Variants in AKR1C1 observed in about 807,000 individuals in gnomAD.
AKR1C1 encodes 20 alpha-hydroxysteroid dehydrogenase.
A neutral mutation model predicts 40.6 loss-of-function variants in AKR1C1; 32 were observed. The ratio of observed to expected loss-of-function variants is 0.79; its 90% CI spans 0.60 to 1.06. AKR1C1 has a LOEUF of 1.06. AKR1C1 is among the 50% of genes least tolerant of loss of function. The probability of loss-of-function intolerance (pLI) is 0.00; values close to 1 mark genes in which losing one functional copy is unlikely to be tolerated. For missense variants in AKR1C1, 320 were observed against 363.5 expected, an observed-to-expected ratio of 0.88 and a Z score of 0.97; for synonymous variants, 105 against 134.2, an observed-to-expected ratio of 0.78 and a Z score of 1.50.
chr10:4,974,135 A>G (rs545447738), intron 7 of AKR1C1, among the ~76,000 whole-genome samples: 1 of 151,784 alleles, frequency 6.6e-6, no homozygotes, highest in Non-Finnish European at 1.5e-5. Context: ...TTTTAAAAAT[A>G]TTTTTAGACA....
intron 5 of AKR1C1, among the ~76,000 whole-genome samples, chr10:4,971,828 G>C (rs1486355327): frequency 8.6e-5 from 13 of 151,926 alleles, no homozygotes; most frequent in African/African-American, 2.9e-4. Context: ...TAGGAAACTA[G>C]TTCTTTTGTC....
intron 5 of AKR1C1, among the ~76,000 whole-genome samples, chr10:4,970,267 C>T (rs1463508253): frequency 6.6e-6 from 1 of 152,162 alleles, no homozygotes; most frequent in Admixed American, 6.5e-5. Flanking sequence ...GGTATCCAGT[C>T]CATATTTGAA....
At position 4,968,963 on chromosome 10, in the gene AKR1C1, C is replaced by G. The variant is rs201152946; in HGVS notation, c.570+19C>G. 3.6e-5 allele frequency: 58 copies of G among 1,614,162 alleles called. No homozygotes were observed. The African/African-American group carries it at 6.5e-4, about 18-fold the overall frequency. On this transcript the variant is annotated intron_variant, in intron 5 of 8. Coordinates refer to ENST00000380872, the MANE Select transcript of AKR1C1 (RefSeq NM_001353.6). ...CAACCAGGTGAGCACCCTCAGCCTC[C>G]TCTCCTTTCTGTTCTTCATGCCCCT...
chr10:4,974,495 A>G (rs1836494443), intron 7 of AKR1C1, among the ~76,000 whole-genome samples: 1 of 152,016 alleles, frequency 6.6e-6, no homozygotes, highest in Non-Finnish European at 1.5e-5. Flanking sequence ...GTCTTATCCT[A>G]TATTGGGAAT....
In AKR1C1 at chr10:4,972,277, A is replaced by G. The variant is rs376003429; in HGVS notation, c.647A>G (p.Tyr216Cys). Residue 216 changes from tyrosine (Y) to cysteine (C), a missense_variant, in exon 6 of 9, where the codon TAT (tyrosine) becomes TGT (cysteine). Tyr to Cys is a radical substitution (Grantham distance 194). Around this residue, in one of 3 missense-constraint regions of AKR1C1, gnomAD observed 77 missense variants for 125.3 expected, o/e 0.61. Coordinates refer to ENST00000380872, the MANE Select transcript of AKR1C1 (RefSeq NM_001353.6). ...TCAAAAGACATTGTTCTGGTTGCCT[A>G]TAGTGCTCTGGGATCCCACCGAGAA... ...CKSKDIVLVA[Y>C]SALGSHREEP... The G allele has an allele frequency of 6.8e-6, 11 of 1,612,822 alleles. No homozygotes were observed. Among genetic ancestry groups the G allele is most frequent in the South Asian group, 4.4e-5 (4 of 91,010 alleles).
rs375996832 is a variant in AKR1C1 at position 4,965,901 on chromosome 10, G to A, written c.85-13G>A. 3 of 1,611,016 alleles carry A rather than the reference G, an allele frequency of 1.9e-6. No individual in the cohort carries two copies. In the African/African-American group the frequency reaches 4.0e-5, roughly 22 times the overall value. On this transcript the variant is annotated splice_polypyrimidine_tract_variant and intron_variant, in intron 1 of 8. Transcript: ENST00000380872. ...CATTAGTCAGAAAATACTACCTATG[G>A]TTACTCCCCCAGGTTCCTAAAAGTA... is the stretch of plus-strand genomic sequence containing the variant.
At position 4,977,902 on chromosome 10, in the gene AKR1C1, A is replaced by G; in HGVS notation, c.*160A>G. On this transcript the variant is annotated 3_prime_UTR_variant, in exon 9 of 9. Transcript: ENST00000380872. ...GCAAAGCCCATTGGCCAGAAAGGAAAGACAATAATTTTGTTTTTTCATTTT... is the reference window on the plus strand; with the variant it reads ...GCAAAGCCCATTGGCCAGAAAGGAAGGACAATAATTTTGTTTTTTCATTTT... The G allele has an allele frequency of 8.9e-7, 1 of 1,129,832 alleles. No homozygotes were observed. The allele number at this position is 1,129,832 out of a possible 1,614,324, so 70.0% of individuals were successfully genotyped here. A position where few individuals can be genotyped will look rare whatever the true frequency, so the allele number is the denominator to read the frequency against.
chr10:4,981,183 A>G lies in AKR1C1; in HGVS notation c.*3441A>G, dbSNP rs1353572360. 2 of 152,166 alleles carry G rather than the reference A, an allele frequency of 1.3e-5. No homozygotes were observed. The highest frequency in any genetic ancestry group is 4.8e-5 in the African/African-American group (2 of 41,448). The allele number at this position is 152,166 out of a possible 1,614,324, so 9.4% of individuals were successfully genotyped here. ...ATTCAGTAAACCATTATTTAAGGAG[A>G]TGTGGCTTAAATATCTAGGCTTTCT... On this transcript the variant is annotated 3_prime_UTR_variant, in exon 9 of 9. Transcript: ENST00000380872.
Position 4,981,438 on chromosome 10 carries a change from A to C in AKR1C1, c.*3696A>C, listed in dbSNP as rs1366337858. 6.6e-6 allele frequency: 1 copy of C among 152,228 alleles called. No individual in the cohort carries two copies. Among genetic ancestry groups the C allele is most frequent in the Admixed American group, 6.5e-5 (1 of 15,278 alleles). The allele number at this position is 152,228 out of a possible 1,614,324, so 9.4% of individuals were successfully genotyped here. A position where few individuals can be genotyped will look rare whatever the true frequency, so the allele number is the denominator to read the frequency against. On this transcript the variant is annotated 3_prime_UTR_variant, in exon 9 of 9. Coordinates refer to ENST00000380872, the MANE Select transcript of AKR1C1 (RefSeq NM_001353.6). ...TAACAGATGTCAACTATGAGATCTC[A>C]TCAAGAACTAAGAAAATGGAGAAAA...
rs1836557473 is a variant in AKR1C1, at chr10:4,978,250, G to A, written c.*508G>A. The A allele has an allele frequency of 6.7e-6, 1 of 149,556 alleles. No individual in the cohort carries two copies. The highest frequency in any genetic ancestry group is 1.5e-5 in the Non-Finnish European group (1 of 68,214). The allele number at this position is 149,556 out of a possible 1,614,324, so 9.3% of individuals were successfully genotyped here. A position where few individuals can be genotyped will look rare whatever the true frequency, so the allele number is the denominator to read the frequency against. On this transcript the variant is annotated 3_prime_UTR_variant, in exon 9 of 9. Coordinates refer to ENST00000380872, the MANE Select transcript of AKR1C1 (RefSeq NM_001353.6). ...CAATTCATGGGCTCCCTCCAGCAGT[G>A]CGAGGGTCAGAGTTTCTGGAGCCTT...
chr10:4,982,141 T>A lies in AKR1C1; in HGVS notation c.*4399T>A, dbSNP rs112364784. The A allele has an allele frequency of 4.5e-3, 689 of 152,394 alleles. 2 individuals carry two copies. Among genetic ancestry groups the A allele is most frequent in the Non-Finnish European group, 7.0e-3 (479 of 68,112 alleles). 9.4% of individuals were successfully genotyped at this position (152,394 alleles called of 1,614,324 possible). A position where few individuals can be genotyped will look rare whatever the true frequency, so the allele number is the denominator to read the frequency against. ...TTATTTGTGCTGAGAATGAAACTCC[T>A]TGACCTTGAAAACAGGACAGGGAGT... is the stretch of plus-strand genomic sequence containing the variant. On this transcript the variant is annotated 3_prime_UTR_variant, in exon 9 of 9. Coordinates refer to ENST00000380872, the MANE Select transcript of AKR1C1 (RefSeq NM_001353.6).
At chr10:4,967,138 C>A in intron 3 of AKR1C1, 95 bp downstream of exon 3, 1 of 1,300,476 alleles carries the variant, frequency 7.7e-7, no homozygotes, top group Non-Finnish European at 1.1e-6. Context: ...CTTAGGAGGA[C>A]ATAGGGATTA....
chr10:4,969,611 C>G, intron 5 of AKR1C1: 1 of 1,578,564 alleles, frequency 6.3e-7, no homozygotes, highest in South Asian at 1.1e-5. Flanking sequence ...GGCTGCTCTT[C>G]TTTGGAGTCT....
chr10:4,966,576 A>G (rs1323897440), intron 2 of AKR1C1, among the ~76,000 whole-genome samples: 1 of 152,262 alleles, frequency 6.6e-6, no homozygotes, highest in Non-Finnish European at 1.5e-5. Context: ...CCACAAAGAT[A>G]CTTAATCTTG....
rs781200594 is a variant in AKR1C1, at chr10:4,963,518, C to G, written c.74C>G (p.Ala25Gly). Residue 25 changes from alanine to glycine, a missense_variant, in exon 1 of 9, where the codon GCG (alanine) becomes GGG (glycine). By Grantham distance (60) the Ala-to-Gly change is moderately conservative. Transcript: ENST00000380872. ...CCTGTCCTGGGATTTGGCACCTATGCGCCTGCAGAGGTAACAATAATATTT... is the reference window on the plus strand; with the variant it reads ...CCTGTCCTGGGATTTGGCACCTATGGGCCTGCAGAGGTAACAATAATATTT... ...FMPVLGFGTYAPAEVPKSKAL... is the reference protein window; with the variant it reads ...FMPVLGFGTYGPAEVPKSKAL... 1 of 1,612,316 alleles carries G rather than the reference C, an allele frequency of 6.2e-7. No individual in the cohort carries two copies. Among genetic ancestry groups the G allele is most frequent in the African/African-American group, 1.3e-5 (1 of 74,462 alleles).
chr10:4,980,565 C>G lies in AKR1C1; in HGVS notation c.*2823C>G, dbSNP rs1554771008. The G allele has an allele frequency of 2.7e-5, 4 of 148,078 alleles. No homozygotes were observed. The highest frequency in any genetic ancestry group is 6.0e-5 in the Non-Finnish European group (4 of 66,864). 9.2% of individuals were successfully genotyped at this position (148,078 alleles called of 1,614,324 possible). ...TTCCAACAGTGTTTACAACGGTTTC[C>G]TAAGAAATGAAATCCATTTCACCAA... On this transcript the variant is annotated 3_prime_UTR_variant, in exon 9 of 9. Transcript: ENST00000380872.
At chr10:4,964,723 T>A (rs1463702446) in intron 1 of AKR1C1, among the ~76,000 whole-genome samples, 13 of 152,226 alleles carry the variant, frequency 8.5e-5, no homozygotes, top group Non-Finnish European at 1.8e-4. Flanking sequence ...GAACCCCATT[T>A]TGCTAATCAC....
rs1222061999 is a variant in AKR1C1, at chr10:4,980,909, C to G, written c.*3167C>G. 13 of 152,208 alleles carry G rather than the reference C, an allele frequency of 8.5e-5. No homozygotes were observed. The highest frequency in any genetic ancestry group is 7.9e-4 in the Admixed American group (12 of 15,284). The allele number at this position is 152,208 out of a possible 1,614,324, so 9.4% of individuals were successfully genotyped here. On this transcript the variant is annotated 3_prime_UTR_variant, in exon 9 of 9. Coordinates refer to ENST00000380872, the MANE Select transcript of AKR1C1 (RefSeq NM_001353.6). Reference sequence around the variant, plus strand: ...ATTTTCTTTTCCCAGGTTCTTCAGACAAGTCACCATGGTAGCTGTAGACTT... The same window carrying G: ...ATTTTCTTTTCCCAGGTTCTTCAGAGAAGTCACCATGGTAGCTGTAGACTT...
At chr10:4,971,267 AC>A (rs1469161394) in intron 5 of AKR1C1, among the ~76,000 whole-genome samples, 1 of 152,000 alleles carries the variant, frequency 6.6e-6, no homozygotes, top group African/African-American at 2.4e-5. Flanking sequence ...ATGATTTCTC[AC>A]CAAGTAAAAA....
Sources: gnomAD v4.1 joint callset for allele counts (sites outside exome capture counted in the v4.1 genomes callset) on GRCh38, gnomAD v4.1.1 for gene constraint, gnomAD v4.1.1 regional missense constraint, MANE v1.5 for transcripts, NCBI Gene and HGNC (gene_info 2026-07-23, HGNC 2026-07-21) for gene names.